The following KLHL14 variants were observed in gnomAD, a reference collection of about 807,000 sequenced individuals.
KLHL14 encodes the protein kelch-like protein 14.
KLHL14 carries 22 observed loss-of-function variants against 64.3 expected under a neutral mutation model. That is an observed-to-expected ratio of 0.34 (90% CI 0.24 to 0.49). The LOEUF (loss-of-function observed/expected upper bound fraction) is 0.49, where lower values mean the gene tolerates loss of function less well. Among genes scored for constraint, KLHL14 ranks in the 20% least tolerant of loss-of-function variants. The pLI is 0.99. For synonymous variants in KLHL14, 322 were observed against 333.4 expected, an observed-to-expected ratio of 0.97 and a Z score of 0.37; for missense variants, 661 against 789.0, an observed-to-expected ratio of 0.84 and a Z score of 1.94.
chr18:32,678,018 G>T (rs1276520554), intron 7 of KLHL14, among the ~76,000 whole-genome samples: 1 of 152,166 alleles, frequency 6.6e-6, no homozygotes, highest in East Asian at 1.9e-4. Context: ...CTCTGATGAT[G>T]TAAATCGTTT....
chr18:32,752,212 G>A (rs986112309), intron 2 of KLHL14, among the ~76,000 whole-genome samples: 5 of 152,190 alleles, frequency 3.3e-5, no homozygotes. Context: ...CCAAGGATCA[G>A]TGGGATTACA....
intron 2 of KLHL14, among the ~76,000 whole-genome samples, chr18:32,765,575 G>A (rs1159940403): frequency 6.6e-6 from 1 of 151,994 alleles, no homozygotes; most frequent in Non-Finnish European, 1.5e-5. Context: ...TTAATCTGAG[G>A]GTATCAAATT....
chr18:32,680,405 T>C lies in KLHL14; in HGVS notation c.1429+4A>G. The C allele has an allele frequency of 6.2e-7, 1 of 1,613,864 alleles. No homozygotes were observed. The highest frequency in any genetic ancestry group is 1.1e-5 in the South Asian group (1 of 91,072). On this transcript the variant is annotated splice_donor_region_variant and intron_variant, in intron 6 of 8. Coordinates refer to ENST00000359358, the MANE Select transcript of KLHL14 (RefSeq NM_020805.3). This position sits in a 1 kb window ranked among gnomAD's most constrained non-coding sequence, Gnocchi z 4.8. ...TTGTAACAGAAAGTGGAGGAATTAC[T>C]TGCCTGAAATGTATATTTTCCCATT...
At chr18:32,718,816 A>G (rs1381903724) in intron 3 of KLHL14, among the ~76,000 whole-genome samples, 3 of 152,216 alleles carry the variant, frequency 2.0e-5, no homozygotes, top group East Asian at 1.9e-4. Context: ...AACTTTGTGT[A>G]TCTTTAAAGT....
chr18:32,687,277 T>C lies in KLHL14; in HGVS notation c.1160-44A>G, dbSNP rs202134536. The C allele has an allele frequency of 8.0e-5, 118 of 1,477,228 alleles. No individual in the cohort carries two copies. The African/African-American group carries it at 1.5e-3, about 19-fold the overall frequency. 91.5% of individuals were successfully genotyped at this position (1,477,228 alleles called of 1,614,324 possible). A position where few individuals can be genotyped will look rare whatever the true frequency, so the allele number is the denominator to read the frequency against. On this transcript the variant is annotated intron_variant, in intron 4 of 8. Transcript: ENST00000359358. ...GACATTTAAAACTTAGATTCTTTTG[T>C]TGATTTGCACATGTAGTAGTGTTTT... is the stretch of plus-strand genomic sequence containing the variant.
intron 5 of KLHL14, among the ~76,000 whole-genome samples, chr18:32,685,294 G>C (rs1448652059): frequency 2.0e-5 from 3 of 152,102 alleles, no homozygotes; most frequent in Non-Finnish European, 4.4e-5. Context: ...TTACTAATTA[G>C]GTTTTGCAGC....
intron 3 of KLHL14, chr18:32,738,122 T>C (rs2050175738): frequency 6.6e-6 from 1 of 152,082 alleles, no homozygotes; most frequent in South Asian, 2.1e-4. Context: ...AAGAAATCGG[T>C]CCACAGGGAA....
chr18:32,697,153 T>C (rs941955241), intron 3 of KLHL14, among the ~76,000 whole-genome samples: 1 of 152,190 alleles, frequency 6.6e-6, no homozygotes, highest in Non-Finnish European at 1.5e-5. Flanking sequence ...TGAAAAACGC[T>C]TTTACCTGCG....
chr18:32,743,372 G>C (rs907094537), intron 2 of KLHL14: 4 of 149,526 alleles, frequency 2.7e-5, no homozygotes, highest in African/African-American at 9.9e-5. Flanking sequence ...AACATTCGGA[G>C]AGTTAACTTA....
intron 2 of KLHL14, among the ~76,000 whole-genome samples, chr18:32,758,268 T>C (rs901774225): frequency 2.0e-5 from 3 of 152,124 alleles, no homozygotes; most frequent in African/African-American, 7.2e-5. Context: ...ACTATAAGCA[T>C]GCACCACCAG....
Position 32,769,907 on chromosome 18 carries a change from G to T in KLHL14, c.685C>A (p.Pro229Thr). The T allele has an allele frequency of 6.2e-7, 1 of 1,614,134 alleles. No individual in the cohort carries two copies. Among genetic ancestry groups the T allele is most frequent in the Non-Finnish European group, 8.5e-7 (1 of 1,180,036 alleles). Residue 229 changes from proline to threonine, a missense_variant, in exon 2 of 9, where the codon CCG becomes ACG. Transcript: ENST00000359358. Reference sequence around the variant, plus strand: ...GCCAGCTCCGACTCCACGGGGGGCGGCAGCGAGTCCAGCAGGGCGCGCATC... The same window carrying T: ...GCCAGCTCCGACTCCACGGGGGGCGTCAGCGAGTCCAGCAGGGCGCGCATC... ...EEMRALLDSL[P>T]PPVESELALF...
intron 3 of KLHL14, among the ~76,000 whole-genome samples, chr18:32,702,466 C>T (rs1477759043): frequency 6.6e-6 from 1 of 151,538 alleles, no homozygotes; most frequent in Non-Finnish European, 1.5e-5. Flanking sequence ...ATCTAGCAAG[C>T]TGGCTAATGC....
At chr18:32,723,877 T>C (rs1003832835) in intron 3 of KLHL14, among the ~76,000 whole-genome samples, 1 of 152,216 alleles carries the variant, frequency 6.6e-6, no homozygotes, top group Admixed American at 6.5e-5. Flanking sequence ...TGGAACCCTA[T>C]GTTATATACC....
intron 3 of KLHL14, among the ~76,000 whole-genome samples, chr18:32,711,949 A>G (rs1377280220): frequency 6.6e-6 from 1 of 152,226 alleles, no homozygotes; most frequent in African/African-American, 2.4e-5. Context: ...CTCATTTTAC[A>G]TTCATGTTAT....
chr18:32,676,531 C>T (rs549609203), intron 8 of KLHL14, among the ~76,000 whole-genome samples: 7 of 152,034 alleles, frequency 4.6e-5, no homozygotes, highest in South Asian at 2.1e-4. Flanking sequence ...AGTGTATTTA[C>T]GTAAGTTAAT....
chr18:32,696,515 C>T (rs1310556569), intron 3 of KLHL14, among the ~76,000 whole-genome samples: 1 of 152,202 alleles, frequency 6.6e-6, no homozygotes, highest in African/African-American at 2.4e-5. Context: ...CCTTGTTCAG[C>T]TCATCATATG....
At chr18:32,738,270 G>C (rs1313331353) in intron 3 of KLHL14, 1 of 152,190 alleles carries the variant, frequency 6.6e-6, no homozygotes, top group Non-Finnish European at 1.5e-5. Context: ...CAAGTGTTCT[G>C]TTTAATCTTT....
chr18:32,705,659 G>T (rs911683418), intron 3 of KLHL14, among the ~76,000 whole-genome samples: 2 of 151,734 alleles, frequency 1.3e-5, no homozygotes, highest in Non-Finnish European at 2.9e-5. Flanking sequence ...TGAGGTGGAG[G>T]TTATAATGAG....
intron 4 of KLHL14, 64 bp from the exon 5 acceptor site, chr18:32,687,297 T>A (rs1453899859): frequency 1.6e-6 from 2 of 1,276,812 alleles, no homozygotes; most frequent in Non-Finnish European, 2.3e-6. Flanking sequence ...CATGTAGTAG[T>A]GTTTTATCAG....
Sources: allele counts gnomAD v4.1 joint callset (sites outside exome capture counted in the v4.1 genomes callset), GRCh38; gene constraint gnomAD v4.1.1; non-coding constraint Gnocchi (gnomAD v3.1); transcripts MANE v1.5; gene names NCBI Gene and HGNC (gene_info 2026-07-23, HGNC 2026-07-21).